PCCB: variants seen among roughly 807,000 people sequenced by gnomAD.
The protein encoded by PCCB is propionyl-CoA carboxylase subunit beta, also known as propionyl-CoA carboxylase beta chain, mitochondrial.
In PCCB, 43 loss-of-function variants were observed where a neutral mutation model predicts 60.7. That is an observed-to-expected ratio of 0.71 (90% CI 0.55 to 0.91). PCCB has a LOEUF of 0.91. Ranked by LOEUF, PCCB falls within the 40% of genes least tolerant of loss-of-function variation. The pLI, the probability that PCCB is intolerant of heterozygous loss-of-function variation, is 0.00. For synonymous variants in PCCB, 276 were observed against 255.9 expected, an observed-to-expected ratio of 1.08 and a Z score of -0.75; for missense variants, 766 against 702.8, an observed-to-expected ratio of 1.09 and a Z score of -1.02.
intron 1 of PCCB, 114 bp from the exon 2 acceptor site, chr3:136,255,742 T>C (rs1941654982): frequency 3.4e-6 from 3 of 882,174 alleles, no homozygotes; most frequent in South Asian, 2.6e-5. Flanking sequence ...ATGAAAGTAC[T>C]TGCATTGAGA....
At chr3:136,278,062 C>T (rs1378234110) in intron 5 of PCCB, among the ~76,000 whole-genome samples, 1 of 152,168 alleles carries the variant, frequency 6.6e-6, no homozygotes, top group Non-Finnish European at 1.5e-5. Context: ...GCTGACTTCC[C>T]CAAGGTCCCC....
At chr3:136,317,830 T>C (rs546567863) in intron 10 of PCCB, among the ~76,000 whole-genome samples, 3 of 152,330 alleles carry the variant, frequency 2.0e-5, no homozygotes, top group East Asian at 1.9e-4. Flanking sequence ...TCTGGTGATA[T>C]GGCCAGACCT....
chr3:136,263,731 C>T (rs963629050), intron 5 of PCCB, among the ~76,000 whole-genome samples: 1 of 151,998 alleles, frequency 6.6e-6, no homozygotes, highest in Non-Finnish European at 1.5e-5. Flanking sequence ...CAAACTTCAG[C>T]CTGGGCACGG....
chr3:136,317,939 A>G (rs1934969208), intron 10 of PCCB, among the ~76,000 whole-genome samples: 1 of 151,966 alleles, frequency 6.6e-6, no homozygotes, highest in Admixed American at 6.6e-5. Context: ...TCTCCTCAAT[A>G]TTTTTCCTCT....
chr3:136,261,415 G>T (rs906011855), intron 4 of PCCB, among the ~76,000 whole-genome samples: 1 of 152,156 alleles, frequency 6.6e-6, no homozygotes, highest in East Asian at 1.9e-4. Context: ...GGGTAAATGA[G>T]GTAATGGAAG....
intron 5 of PCCB, among the ~76,000 whole-genome samples, chr3:136,281,629 T>G (rs1032213492): frequency 1.3e-5 from 2 of 152,168 alleles, no homozygotes; most frequent in African/African-American, 4.8e-5. Flanking sequence ...TCAGAGATGA[T>G]TTTTGTTAAA....
intron 5 of PCCB, among the ~76,000 whole-genome samples, chr3:136,265,255 A>G (rs1395558531): frequency 6.6e-6 from 1 of 152,222 alleles, no homozygotes; most frequent in Non-Finnish European, 1.5e-5. Flanking sequence ...CCATTGTGAA[A>G]ATATAATTCA....
chr3:136,322,792 A>G (rs1280208408), intron 10 of PCCB, among the ~76,000 whole-genome samples: 1 of 152,146 alleles, frequency 6.6e-6, no homozygotes, highest in African/African-American at 2.4e-5. Context: ...GTTGGTACTG[A>G]GGGCCTCAGC....
intron 10 of PCCB, among the ~76,000 whole-genome samples, chr3:136,318,053 T>C (rs1934972651): frequency 6.6e-6 from 1 of 152,226 alleles, no homozygotes; most frequent in African/African-American, 2.4e-5. Context: ...TAGAAAACTG[T>C]TTTGGCTGGG....
chr3:136,324,103 T>G (rs1451137311), intron 10 of PCCB, among the ~76,000 whole-genome samples: 1 of 152,038 alleles, frequency 6.6e-6, no homozygotes, highest in African/African-American at 2.4e-5. Context: ...AGTCCCTGTT[T>G]CTTCTTATTG....
At chr3:136,268,288 T>TC (rs1305055095) in intron 5 of PCCB, among the ~76,000 whole-genome samples, 1 of 151,368 alleles carries the variant, frequency 6.6e-6, no homozygotes, top group Non-Finnish European at 1.5e-5. Flanking sequence ...AACTATTCTT[T>TC]CCCCATTGAA....
At chr3:136,276,385 G>A (rs1008314692) in intron 5 of PCCB, among the ~76,000 whole-genome samples, 5 of 152,138 alleles carry the variant, frequency 3.3e-5, no homozygotes, top group African/African-American at 1.2e-4. Flanking sequence ...CTTATCAAGG[G>A]GAAGGGTGGG....
At chr3:136,268,136 A>ATATATATATATACGTATATATATATATC in intron 5 of PCCB, among the ~76,000 whole-genome samples, 1 of 128,590 alleles carries the variant, frequency 7.8e-6, no homozygotes. Flanking sequence ...ATATATATAT[A>ATATATATATATACGTATATATATATATC]TATATCTACA....
chr3:136,314,469 A>G (rs1214539890), intron 9 of PCCB, among the ~76,000 whole-genome samples: 1 of 152,114 alleles, frequency 6.6e-6, no homozygotes, highest in Non-Finnish European at 1.5e-5. Flanking sequence ...AGCCCGGCCA[A>G]TACGGTGAAA....
chr3:136,290,688 T>TTTTTTTTTTTTTTTG (rs1553778407), intron 6 of PCCB, among the ~76,000 whole-genome samples: 1 of 146,294 alleles, frequency 6.8e-6, no homozygotes, highest in African/African-American at 2.5e-5. Context: ...TTTTTTTTTT[T>TTTTTTTTTTTTTTTG]GTCATTCATC....
In PCCB at chr3:136,326,685, A is replaced by C. The variant is rs531197193; in HGVS notation, c.1091-118A>C. 325 of 783,376 alleles carry C rather than the reference A, an allele frequency of 4.1e-4. 2 individuals are homozygous for C. Among genetic ancestry groups the C allele is most frequent in the South Asian group, 3.6e-3 (267 of 73,518 alleles). 48.5% of individuals were successfully genotyped at this position (783,376 alleles called of 1,614,324 possible). A position where few individuals can be genotyped will look rare whatever the true frequency, so the allele number is the denominator to read the frequency against. On this transcript the variant is annotated intron_variant, in intron 10 of 14. Transcript: ENST00000251654. The stretch of plus-strand genomic sequence containing the variant: ...GGTCCTTGTTACCATTCTGCAACAA[A>C]GAAGTGTTGGTGCCTCCACAGAAAC...
At chr3:136,289,553 C>T (rs922387351) in intron 6 of PCCB, among the ~76,000 whole-genome samples, 6 of 151,960 alleles carry the variant, frequency 3.9e-5, no homozygotes, top group Non-Finnish European at 5.9e-5. Flanking sequence ...GTAGACATCC[C>T]TTATAGTTGT....
chr3:136,283,659 AC>A (rs1479201424), intron 5 of PCCB, among the ~76,000 whole-genome samples, 177 bp from the exon 6 acceptor site: 1 of 152,186 alleles, frequency 6.6e-6, no homozygotes, highest in Non-Finnish European at 1.5e-5. Flanking sequence ...CCTACCAGTT[AC>A]GGGGAGAAAA....
Position 136,255,786 on chromosome 3 carries a change from T to A in PCCB, c.184-70T>A, listed in dbSNP as rs1276921746. On this transcript the variant is annotated intron_variant, in intron 1 of 14. Coordinates refer to ENST00000251654, the MANE Select transcript of PCCB (RefSeq NM_000532.5). The stretch of plus-strand genomic sequence containing the variant: ...CAAATCTGCCCTTCAAGCCCTCCCA[T>A]GAACAGCCCTTGCTTTGCTTACTAA... 21 of 1,416,926 alleles carry A rather than the reference T, an allele frequency of 1.5e-5. 1 individual carries two copies. The highest frequency in any genetic ancestry group is 3.7e-4 in the Middle Eastern group (2 of 5,386). The allele number at this position is 1,416,926 out of a possible 1,614,324, so 87.8% of individuals were successfully genotyped here.
Sources: allele counts gnomAD v4.1 joint callset (sites outside exome capture counted in the v4.1 genomes callset), GRCh38; gene constraint gnomAD v4.1.1; transcripts MANE v1.5; gene names NCBI Gene and HGNC (gene_info 2026-07-23, HGNC 2026-07-21).